The following USP54 variants were observed in gnomAD, a reference collection of about 807,000 sequenced individuals.
USP54 encodes ubiquitin carboxyl-terminal hydrolase 54.
USP54 carries 87 observed loss-of-function variants against 170.5 expected under a neutral mutation model. The ratio of observed to expected loss-of-function variants is 0.51; its 90% CI spans 0.43 to 0.61. The LOEUF (loss-of-function observed/expected upper bound fraction) is 0.61, where lower values mean the gene tolerates loss of function less well. Ranked by LOEUF, USP54 falls within the 20% of genes least tolerant of loss-of-function variation. The pLI is 0.00. For missense variants in USP54, 1,786 were observed against 2,047.8 expected (o/e 0.87, Z 2.47); for synonymous variants, 655 against 742.8 (o/e 0.88, Z 1.92).
chr10:73,503,880 C>T (rs1018413397), intron 22 of USP54, among the ~76,000 whole-genome samples: 2 of 152,244 alleles, frequency 1.3e-5, no homozygotes, highest in African/African-American at 4.8e-5. Context: ...CTACAAGCAC[C>T]CCCCACCATG....
At chr10:73,523,158 G>T (rs1429974623) in intron 17 of USP54, among the ~76,000 whole-genome samples, 1 of 152,192 alleles carries the variant, frequency 6.6e-6, no homozygotes, top group Non-Finnish European at 1.5e-5. Flanking sequence ...AACTGGCTTT[G>T]TTCTTGCTCC....
chr10:73,555,204 C>A (rs908829453), intron 4 of USP54, among the ~76,000 whole-genome samples: 7 of 152,198 alleles, frequency 4.6e-5, no homozygotes, highest in Non-Finnish European at 1.0e-4. Flanking sequence ...AACTCTTGAT[C>A]TAACTTTGGG....
chr10:73,546,107 A>G (rs1249660370), intron 4 of USP54, among the ~76,000 whole-genome samples: 1 of 152,210 alleles, frequency 6.6e-6, no homozygotes, highest in East Asian at 1.9e-4. Context: ...AAAATTACCA[A>G]AAAGTACAAA....
chr10:73,578,938 A>G (rs1439196062), intron 1 of USP54, among the ~76,000 whole-genome samples: 2 of 146,962 alleles, frequency 1.4e-5, no homozygotes, highest in East Asian at 2.1e-4. Flanking sequence ...TTGGGCAAAG[A>G]TTCCTTTTTT....
chr10:73,597,797 A>C (rs2078850395), intron 1 of USP54, among the ~76,000 whole-genome samples: 1 of 152,186 alleles, frequency 6.6e-6, no homozygotes, highest in South Asian at 2.1e-4. Flanking sequence ...TTAAGATGGA[A>C]AAGGCGGCCA....
chr10:73,621,210 G>T, intron 1 of USP54, among the ~76,000 whole-genome samples: 1 of 148,740 alleles, frequency 6.7e-6, no homozygotes, highest in South Asian at 2.1e-4. Context: ...CCAGAAAACC[G>T]TACTTTGGAC....
In USP54 at chr10:73,523,682, G is replaced by C. The variant is rs1307739784; in HGVS notation, c.2263C>G (p.Gln755Glu). ...QEEVARRAQE[Q>E]ELRRKREKEL... is the part of the protein sequence containing the mutation. ...TTCTCCCGTTTTCTTCGAAGTTCCT[G>C]TTCCTGCGCCCTCCTGGCCACCTCT... The change falls in exon 17 of 24, where the codon CAG becomes GAG. Residue 755 changes from glutamine to glutamate, a missense_variant. Coordinates refer to ENST00000687698, the MANE Select transcript of USP54 (RefSeq NM_001391956.1). 1 of 1,613,898 alleles carries C rather than the reference G, an allele frequency of 6.2e-7. No homozygotes were observed. The highest frequency in any genetic ancestry group is 2.2e-5 in the East Asian group (1 of 44,866).
intron 1 of USP54, among the ~76,000 whole-genome samples, chr10:73,579,395 A>T (rs2076570647): frequency 6.6e-6 from 1 of 152,226 alleles, no homozygotes; most frequent in Non-Finnish European, 1.5e-5. Flanking sequence ...AATATTTGCA[A>T]GTCACATAAT....
chr10:73,587,862 G>A (rs1180547437), intron 1 of USP54, among the ~76,000 whole-genome samples: 3 of 152,152 alleles, frequency 2.0e-5, no homozygotes, highest in East Asian at 1.9e-4. Flanking sequence ...TGAAGAATAA[G>A]ATGAATCTAC....
chr10:73,618,684 G>A (rs1350469785), intron 1 of USP54, among the ~76,000 whole-genome samples: 4 of 147,916 alleles, frequency 2.7e-5, no homozygotes, highest in Non-Finnish European at 5.9e-5. Context: ...AGAGGTTGCA[G>A]TGAGCTGCGA....
Position 73,556,604 on chromosome 10 carries a change from A to G in USP54, c.241-10932T>C, listed in dbSNP as rs533979984. On this transcript the variant is annotated intron_variant, in intron 4 of 23. Coordinates refer to ENST00000687698, the MANE Select transcript of USP54 (RefSeq NM_001391956.1). ...CGTGATCCACCCGTCTCGGCCTCCC[A>G]AAGTGCTGGGATTACAGGCATGAGC... is the stretch of plus-strand genomic sequence containing the variant. 1.1e-4 allele frequency among the ~76,000 whole-genome samples: 16 copies of G among 152,224 alleles called. No homozygotes were observed. In the East Asian group the frequency reaches 2.3e-3, roughly 22 times the overall value.
At chr10:73,566,445 G>A (rs1270553045) in intron 4 of USP54, among the ~76,000 whole-genome samples, 1 of 151,404 alleles carries the variant, frequency 6.6e-6, no homozygotes, top group African/African-American at 2.4e-5. Context: ...GATAAAACAA[G>A]GAAATGGGCC....
intron 20 of USP54, among the ~76,000 whole-genome samples, chr10:73,508,972 GTTT>G (rs945752651): frequency 7.5e-6 from 1 of 133,562 alleles, no homozygotes; most frequent in Non-Finnish European, 1.6e-5. Flanking sequence ...GCCAGAACAT[GTTT>G]TTTTTTTTTT....
intron 3 of USP54, among the ~76,000 whole-genome samples, chr10:73,574,000 A>G (rs1344719494): frequency 2.6e-5 from 4 of 152,162 alleles, no homozygotes. Context: ...TTCTCATAAC[A>G]TCTGAGGAGT....
At chr10:73,500,202 G>A (rs1174578269) in intron 23 of USP54, among the ~76,000 whole-genome samples, 2 of 152,162 alleles carry the variant, frequency 1.3e-5, no homozygotes, top group Non-Finnish European at 2.9e-5. Flanking sequence ...CATGGTGTGG[G>A]TACTCCATGT....
chr10:73,526,784 CAA>C lies in USP54; in HGVS notation c.2061-6_2061-5del. 2.5e-6 allele frequency: 4 copies of C among 1,612,680 alleles called. No homozygotes were observed. The highest frequency in any genetic ancestry group is 3.4e-6 in the Non-Finnish European group (4 of 1,179,424). On this transcript the variant is annotated splice_region_variant and splice_polypyrimidine_tract_variant and intron_variant, in intron 15 of 23. Coordinates refer to ENST00000687698, the MANE Select transcript of USP54 (RefSeq NM_001391956.1). ...TGATCTCTTAGCACTTGGATCCCTT[CAA>C]AAGAGAACTCAGAGTCTAGTGAAAG...
At chr10:73,556,022 G>A (rs2070882567) in intron 4 of USP54, among the ~76,000 whole-genome samples, 1 of 152,144 alleles carries the variant, frequency 6.6e-6, no homozygotes, top group South Asian at 2.1e-4. Context: ...TTAAAACTAA[G>A]GGAAGGATGA....
At chr10:73,595,606 C>A (rs1474608820), upstream of USP54, among the ~76,000 whole-genome samples, 1 of 152,154 alleles carries the variant, frequency 6.6e-6, no homozygotes, top group African/African-American at 2.4e-5. Flanking sequence ...ATTATAGCAT[C>A]ATTATTGTTT....
chr10:73,616,399 A>G (rs953789285), intron 1 of USP54, among the ~76,000 whole-genome samples: 1 of 149,210 alleles, frequency 6.7e-6, no homozygotes, highest in Non-Finnish European at 1.5e-5. Flanking sequence ...AAACTAACAC[A>G]GGAACAGAAA....
Sources: gnomAD v4.1 joint callset for allele counts (sites outside exome capture counted in the v4.1 genomes callset) on GRCh38, gnomAD v4.1.1 for gene constraint, MANE v1.5 for transcripts, NCBI Gene and HGNC (gene_info 2026-07-23, HGNC 2026-07-21) for gene names.